Variants in PLOD2 observed in about 807,000 individuals in gnomAD.
PLOD2 encodes procollagen-lysine,2-oxoglutarate 5-dioxygenase 2, also known as lysine hydroxylase 2.
PLOD2 carries 65 observed loss-of-function variants against 101.0 expected under a neutral mutation model. The ratio of observed to expected loss-of-function variants is 0.64; its 90% confidence interval spans 0.53 to 0.79. The LOEUF is 0.79. Ranked by LOEUF, PLOD2 falls within the 30% of genes least tolerant of loss-of-function variation. The probability of loss-of-function intolerance (pLI) is 0.00; values close to 1 mark genes in which losing one functional copy is unlikely to be tolerated. For missense variants in PLOD2, 909 were observed against 914.6 expected, an observed-to-expected ratio of 0.99 and a Z score of 0.08; for synonymous variants, 314 against 302.9, an observed-to-expected ratio of 1.04 and a Z score of -0.38.
intron 4 of PLOD2, among the ~76,000 whole-genome samples, chr3:146,107,393 T>C (rs1937553225): frequency 6.6e-6 from 1 of 152,188 alleles, no homozygotes; most frequent in Non-Finnish European, 1.5e-5. Flanking sequence ...ATTATGGAAA[T>C]GCAGCCAAGC....
chr3:146,090,082 A>C (rs1260786982), intron 8 of PLOD2, among the ~76,000 whole-genome samples: 1 of 151,200 alleles, frequency 6.6e-6, no homozygotes. Context: ...ATGTATATTA[A>C]ATTTATACAA....
At chr3:146,095,256 G>A (rs1449784051) in intron 7 of PLOD2, among the ~76,000 whole-genome samples, 1 of 150,336 alleles carries the variant, frequency 6.7e-6, no homozygotes, top group Non-Finnish European at 1.5e-5. Context: ...CTCTGCAAAA[G>A]AAACCATCAT....
intron 17 of PLOD2, among the ~76,000 whole-genome samples, chr3:146,072,341 T>G (rs977872212): frequency 6.6e-6 from 1 of 151,666 alleles, no homozygotes; most frequent in African/African-American, 2.4e-5. Context: ...TGTAATTACA[T>G]GCATAAATGA....
chr3:146,104,487 T>TA, intron 5 of PLOD2, 145 bp from the exon 6 acceptor site: 2 of 610,338 alleles, frequency 3.3e-6, no homozygotes, highest in South Asian at 4.1e-5. Flanking sequence ...TTTAGATGAC[T>TA]AAAGTATTTA....
intron 1 of PLOD2, among the ~76,000 whole-genome samples, chr3:146,143,734 G>A (rs1438136788): frequency 3.3e-5 from 5 of 152,070 alleles, no homozygotes; most frequent in Non-Finnish European, 7.4e-5. Context: ...AAATCAGCCT[G>A]TACTACATTC....
At chr3:146,117,060 C>T (rs1369435990) in intron 3 of PLOD2, among the ~76,000 whole-genome samples, 1 of 152,072 alleles carries the variant, frequency 6.6e-6, no homozygotes, top group African/African-American at 2.4e-5. Context: ...GGGATGACTG[C>T]ACGACTCTGT....
intron 7 of PLOD2, among the ~76,000 whole-genome samples, chr3:146,095,756 A>G (rs956814754): frequency 3.9e-5 from 6 of 152,148 alleles, no homozygotes; most frequent in Non-Finnish European, 7.4e-5. Flanking sequence ...ACATATGCAC[A>G]TGTATGTTTA....
intron 4 of PLOD2, among the ~76,000 whole-genome samples, chr3:146,109,431 C>T (rs1391684091): frequency 6.6e-6 from 1 of 152,194 alleles, no homozygotes; most frequent in Admixed American, 6.5e-5. Context: ...TAAATCACTT[C>T]CTAGTGGCTA....
chr3:146,141,175 G>A (rs2031503528), intron 1 of PLOD2, among the ~76,000 whole-genome samples: 1 of 151,996 alleles, frequency 6.6e-6, no homozygotes, highest in East Asian at 1.9e-4. Flanking sequence ...ATAGCTGGAT[G>A]TTTAGATTAA....
At position 146,072,561 on chromosome 3, in the gene PLOD2, A is replaced by G. The variant is rs1002092343; in HGVS notation, c.1848T>C (p.His616=). 9.5e-6 allele frequency: 15 copies of G among 1,577,856 alleles called. 1 individual carries two copies. The highest frequency in any genetic ancestry group is 1.3e-5 in the African/African-American group (1 of 74,082). Residue 616 remains histidine, a splice_region_variant and synonymous_variant, in exon 17 of 20, where the codon CAT becomes CAC. Transcript: ENST00000282903. The part of the protein sequence containing the change: ...HYGKWSGGKH[H]DSRISGGYEN... ...TTCTTAGTGTGAAATTACAACTTACATGATGTTTTCCCCCAGACCATTTGC... is the reference window on the plus strand; with the variant it reads ...TTCTTAGTGTGAAATTACAACTTACGTGATGTTTTCCCCCAGACCATTTGC...
At chr3:146,110,214 C>T in intron 4 of PLOD2, 71 bp downstream of exon 4, 1 of 1,291,784 alleles carries the variant, frequency 7.7e-7, no homozygotes, top group South Asian at 1.2e-5. Flanking sequence ...AAAGTTACTA[C>T]ATCTACAAAA....
At chr3:146,101,320 C>T (rs527746073) in intron 7 of PLOD2, among the ~76,000 whole-genome samples, 1 of 152,076 alleles carries the variant, frequency 6.6e-6, no homozygotes, top group Non-Finnish European at 1.5e-5. Flanking sequence ...TTTACTAAAA[C>T]AGTAAGGATG....
chr3:146,125,719 C>T (rs913092055), intron 1 of PLOD2, among the ~76,000 whole-genome samples: 3 of 151,920 alleles, frequency 2.0e-5, no homozygotes, highest in Middle Eastern at 3.2e-3. Flanking sequence ...TGCACTCCAG[C>T]CTAGGTGATG....
rs984658493 is a variant in PLOD2 at position 146,102,440 on chromosome 3, G to A, written c.777+315C>T. ...GAAACAAATGATCTCTTAATGTCCT[G>A]AGCAATTCCTAATGAGAAAGGATAC... On this transcript the variant is annotated intron_variant, in intron 7 of 19. Transcript: ENST00000282903. Among the ~76,000 whole-genome samples the A allele has an allele frequency of 3.9e-5, 6 of 152,224 alleles. No homozygotes were observed. The East Asian group carries it at 1.2e-3, about 29-fold the overall frequency.
intron 3 of PLOD2, among the ~76,000 whole-genome samples, chr3:146,118,363 T>C (rs568321713): frequency 5.9e-5 from 9 of 152,242 alleles, no homozygotes; most frequent in African/African-American, 1.4e-4. Flanking sequence ...GCAAGTGTTA[T>C]GTATCTTTTG....
chr3:146,079,292 A>G, intron 12 of PLOD2, 35 bp from the exon 13 acceptor site: 1 of 1,519,582 alleles, frequency 6.6e-7, no homozygotes, highest in Non-Finnish European at 9.1e-7. Flanking sequence ...TATATACCAC[A>G]AATACAAACA....
rs763622304 is a variant in PLOD2 at position 146,076,734 on chromosome 3, C to T, written c.1677+48G>A. 4 of 910,138 alleles carry T rather than the reference C, an allele frequency of 4.4e-6. No individual in the cohort carries two copies. The African/African-American group carries it at 6.6e-5, about 15-fold the overall frequency. The allele number at this position is 910,138 out of a possible 1,614,324, so 56.4% of individuals were successfully genotyped here. The stretch of plus-strand genomic sequence containing the variant: ...ATATTATTAACCAACTGATTTATAA[C>T]CACTTACAGTTATAGAAAAATAATA... On this transcript the variant is annotated intron_variant, in intron 15 of 19. Transcript: ENST00000282903.
At chr3:146,122,624 G>A (rs2030245018) in intron 2 of PLOD2, among the ~76,000 whole-genome samples, 1 of 152,092 alleles carries the variant, frequency 6.6e-6, no homozygotes, top group African/African-American at 2.4e-5. Context: ...GATGTTGGTG[G>A]TCTGGGGTCC....
At chr3:146,116,746 A>G (rs1937930989) in intron 3 of PLOD2, among the ~76,000 whole-genome samples, 1 of 152,142 alleles carries the variant, frequency 6.6e-6, no homozygotes, top group Non-Finnish European at 1.5e-5. Flanking sequence ...GCACAAAAAG[A>G]CAGTATCAGA....
Sources: gnomAD v4.1 joint callset for allele counts (sites outside exome capture counted in the v4.1 genomes callset) on GRCh38, gnomAD v4.1.1 for gene constraint, MANE v1.5 for transcripts, NCBI Gene and HGNC (gene_info 2026-07-23, HGNC 2026-07-21) for gene names.